Variants in OTUB1 observed in about 807,000 individuals in gnomAD.
OTUB1 encodes the protein OTU deubiquitinase, ubiquitin aldehyde binding 1.
Under a neutral mutation model 35.8 loss-of-function variants are expected in OTUB1, and 10 were observed. That is an observed-to-expected ratio of 0.28 (90% CI 0.17 to 0.47). The LOEUF (loss-of-function observed/expected upper bound fraction) is 0.47, where lower values mean the gene tolerates loss of function less well. Among genes scored for constraint, OTUB1 ranks in the 20% least tolerant of loss-of-function variants. The probability of loss-of-function intolerance (pLI) is 0.99; values close to 1 mark genes in which losing one functional copy is unlikely to be tolerated. For synonymous variants in OTUB1, 158 were observed against 143.8 expected, an observed-to-expected ratio of 1.10 and a Z score of -0.71; for missense variants, 264 against 351.6, an observed-to-expected ratio of 0.75 and a Z score of 1.99.
intron 3 of OTUB1, among the ~76,000 whole-genome samples, chr11:63,992,563 G>GAC (rs1942682672): frequency 6.6e-6 from 1 of 151,878 alleles, no homozygotes; most frequent in African/African-American, 2.4e-5. Flanking sequence ...TTTTTTGAGA[G>GAC]AGAGTGTTGC....
At chr11:63,986,839 T>G in intron 1 of OTUB1, 1 of 317,880 alleles carries the variant, frequency 3.1e-6, no homozygotes, top group Non-Finnish European at 5.8e-6. Flanking sequence ...CTCTCGCCCC[T>G]GTCCTTGCAG....
At chr11:63,995,283 G>A (rs1353430314) in intron 3 of OTUB1, among the ~76,000 whole-genome samples, 2 of 152,216 alleles carry the variant, frequency 1.3e-5, no homozygotes. Context: ...TGCAACCTCT[G>A]CTTCCCGGGT....
chr11:63,987,038 G>C (rs924201701), intron 1 of OTUB1: 10 of 153,946 alleles, frequency 6.5e-5, no homozygotes, highest in African/African-American at 2.4e-4. Flanking sequence ...GACTTTTTCT[G>C]GTAGAGCCGC....
At chr11:63,990,868 G>T (rs769155074) in intron 3 of OTUB1, among the ~76,000 whole-genome samples, 1 of 152,166 alleles carries the variant, frequency 6.6e-6, no homozygotes, top group Non-Finnish European at 1.5e-5. Flanking sequence ...GGGGAAATGG[G>T]AGTGTCCATA....
chr11:63,997,626 A>G lies in OTUB1; in HGVS notation c.*80A>G. 1 of 1,241,024 alleles carries G rather than the reference A, an allele frequency of 8.1e-7. No homozygotes were observed. Among genetic ancestry groups the G allele is most frequent in the South Asian group, 1.2e-5 (1 of 83,470 alleles). 76.9% of individuals were successfully genotyped at this position (1,241,024 alleles called of 1,614,324 possible). On this transcript the variant is annotated 3_prime_UTR_variant, in exon 7 of 7. Coordinates refer to ENST00000538426, the MANE Select transcript of OTUB1 (RefSeq NM_017670.3). ...TGTACAGAGGTTTTTCTGTGGTTGT[A>G]AATGGTCCTATTTCACCCCCTTCTT...
chr11:63,995,586 C>A (rs908524244), intron 3 of OTUB1, among the ~76,000 whole-genome samples: 4 of 151,632 alleles, frequency 2.6e-5, no homozygotes, highest in Non-Finnish European at 5.9e-5. Flanking sequence ...CCTTGGCCTC[C>A]CAAAATGTTG....
chr11:63,990,833 C>T (rs1942666456), intron 3 of OTUB1, among the ~76,000 whole-genome samples: 1 of 152,100 alleles, frequency 6.6e-6, no homozygotes, highest in African/African-American at 2.4e-5. Flanking sequence ...ATCAGCCAGA[C>T]ACTAATAGGG....
At chr11:63,994,558 CTG>C (rs1202388984) in intron 3 of OTUB1, among the ~76,000 whole-genome samples, 1 of 152,240 alleles carries the variant, frequency 6.6e-6, no homozygotes, top group Non-Finnish European at 1.5e-5. Context: ...GCCTCAGTGA[CTG>C]TTTTCTTGCA....
Position 63,996,870 on chromosome 11 carries a change from T to G in OTUB1, c.352T>G (p.Ser118Ala). 1 of 1,614,212 alleles carries G rather than the reference T, an allele frequency of 6.2e-7. No homozygotes were observed. Among genetic ancestry groups the G allele is most frequent in the Non-Finnish European group, 8.5e-7 (1 of 1,180,018 alleles). The change falls in exon 5 of 7, where the codon TCT (serine) becomes GCT (alanine). Residue 118 changes from serine (S) to alanine (A), a missense_variant. Transcript: ENST00000538426. ...SKELQRFKAV[S>A]AKSKEDLVSQ... is the part of the protein sequence containing the mutation. ...TCCCACCCCCAGGTTCAAGGCTGTG[T>G]CTGCCAAGAGCAAGGAAGACCTGGT...
rs773483542 is a variant in OTUB1 at position 63,997,551 on chromosome 11, GGCTCCAGCCC to G, written c.*9_*18del. ...TACGATATCCTCTACAAATAGGGCT[GGCTCCAGCCC>G]GCTGCTGCCCTGCTGCCCCCCTCTG... On this transcript the variant is annotated 3_prime_UTR_variant, in exon 7 of 7. Coordinates refer to ENST00000538426, the MANE Select transcript of OTUB1 (RefSeq NM_017670.3). The G allele has an allele frequency of 1.2e-6, 2 of 1,612,398 alleles. No individual in the cohort carries two copies. The highest frequency in any genetic ancestry group is 1.1e-5 in the South Asian group (1 of 91,052).
chr11:63,997,223 T>C lies in OTUB1; in HGVS notation c.597T>C (p.Thr199=). 6.2e-7 allele frequency: 1 copy of C among 1,613,980 alleles called. No individual in the cohort carries two copies. Among genetic ancestry groups the C allele is most frequent in the Non-Finnish European group, 8.5e-7 (1 of 1,179,848 alleles). Reference sequence around the variant, plus strand: ...AGCACTTCATCGAGGGTGGACGGACTGTCAAGGAGTTCTGCCAGCAGGTGC... The same window carrying C: ...AGCACTTCATCGAGGGTGGACGGACCGTCAAGGAGTTCTGCCAGCAGGTGC... ...FFEHFIEGGR[T]VKEFCQQEVE... is the part of the protein sequence containing the mutation. Residue 199 remains threonine, a synonymous_variant, in exon 6 of 7, where the codon ACT becomes ACC. Coordinates refer to ENST00000538426, the MANE Select transcript of OTUB1 (RefSeq NM_017670.3).
intron 1 of OTUB1, chr11:63,987,152 A>C (rs1222456365): frequency 6.6e-6 from 1 of 152,192 alleles, no homozygotes; most frequent in Non-Finnish European, 1.5e-5. Context: ...CCCGCCTATG[A>C]GTTGGGCCCT....
At chr11:63,995,120 G>T (rs996982827) in intron 3 of OTUB1, among the ~76,000 whole-genome samples, 1 of 151,770 alleles carries the variant, frequency 6.6e-6, no homozygotes, top group African/African-American at 2.4e-5. Flanking sequence ...CTGTAGCCTC[G>T]ACCTCCTGGG....
In OTUB1 at chr11:63,998,008, CCA is replaced by C. The variant is rs1468292244; in HGVS notation, c.*463_*464del. 3 of 538,968 alleles carry C rather than the reference CCA, an allele frequency of 5.6e-6. No individual in the cohort carries two copies. Among genetic ancestry groups the C allele is most frequent in the East Asian group, 3.2e-5 (1 of 31,036 alleles). The allele number at this position is 538,968 out of a possible 1,614,324, so 33.4% of individuals were successfully genotyped here. On this transcript the variant is annotated 3_prime_UTR_variant, in exon 7 of 7. Transcript: ENST00000538426. ...CCCACCTCCACGTCCCGGCTGGGCC[CCA>C]GACCCCAGCTTCCTGCCCTCCACCG...
intron 3 of OTUB1, among the ~76,000 whole-genome samples, chr11:63,992,201 C>A (rs150893900): frequency 6.3e-4 from 94 of 149,620 alleles, no homozygotes; most frequent in Admixed American, 2.8e-3. Flanking sequence ...GTGACCAGAG[C>A]AAAACTCCAC....
At chr11:63,988,477 TTGTC>T in intron 2 of OTUB1, 79 bp downstream of exon 2, 1 of 1,426,616 alleles carries the variant, frequency 7.0e-7, no homozygotes, top group Non-Finnish European at 9.7e-7. Context: ...ATGAGGCCTA[TTGTC>T]TGTCTCTACT....
intron 3 of OTUB1, chr11:63,990,765 G>A (rs1422874951): frequency 6.6e-6 from 1 of 152,132 alleles, no homozygotes; most frequent in East Asian, 1.9e-4. Flanking sequence ...AGGTAACCCA[G>A]GTGATTGAAG....
Position 63,996,592 on chromosome 11 carries a change from G to A in OTUB1, c.282G>A (p.Arg94=). Residue 94 remains arginine, a synonymous_variant, in exon 4 of 7, where the codon CGG becomes CGA. Transcript: ENST00000538426. ...GGCCTGACGGCAACTGTTTCTATCG[G>A]GCTTTCGGATTCTCCCACTTGGAGG... ...KTRPDGNCFY[R]AFGFSHLEAL... is the part of the protein sequence containing the mutation. 1 of 1,614,216 alleles carries A rather than the reference G, an allele frequency of 6.2e-7. No homozygotes were observed. The highest frequency in any genetic ancestry group is 8.5e-7 in the Non-Finnish European group (1 of 1,180,038).
chr11:63,986,590 G>T, intron 1 of OTUB1, 76 bp downstream of exon 1: 1 of 1,367,374 alleles, frequency 7.3e-7, no homozygotes, highest in Admixed American at 2.3e-5. Flanking sequence ...AGGAGGGAGG[G>T]GAGGCAGGGC....
Sources: gnomAD v4.1 joint callset for allele counts (sites outside exome capture counted in the v4.1 genomes callset) on GRCh38, gnomAD v4.1.1 for gene constraint, MANE v1.5 for transcripts, NCBI Gene and HGNC (gene_info 2026-07-23, HGNC 2026-07-21) for gene names.